ANKAR: variants seen among roughly 807,000 people sequenced by gnomAD.
The protein encoded by ANKAR is ankyrin and armadillo repeat containing, also known as ankyrin and armadillo repeat-containing protein.
Under a neutral mutation model 146.2 loss-of-function variants are expected in ANKAR, and 136 were observed. The ratio of observed to expected loss-of-function variants is 0.93; its 90% CI spans 0.81 to 1.07. The LOEUF (loss-of-function observed/expected upper bound fraction) is 1.07, where lower values mean the gene tolerates loss of function less well. ANKAR is among the 50% of genes least tolerant of loss of function. The pLI, the probability that ANKAR is intolerant of heterozygous loss-of-function variation, is 0.00. For missense variants in ANKAR, 1,567 were observed against 1,679.9 expected (o/e 0.93, Z 1.18); for synonymous variants, 500 against 575.8 (o/e 0.87, Z 1.88).
At chr2:189,725,018 G>C (rs1456555899) in intron 12 of ANKAR, among the ~76,000 whole-genome samples, 1 of 152,084 alleles carries the variant, frequency 6.6e-6, no homozygotes, top group Non-Finnish European at 1.5e-5. Context: ...CACAGATTTT[G>C]AGTTCTTTTT....
chr2:189,677,364 T>G (rs1476059916), intron 2 of ANKAR, among the ~76,000 whole-genome samples: 1 of 152,204 alleles, frequency 6.6e-6, no homozygotes, highest in Non-Finnish European at 1.5e-5. Flanking sequence ...TAGTGGTGAT[T>G]TCTGAGATTT....
chr2:189,677,089 C>A lies in ANKAR; in HGVS notation c.599C>A (p.Ala200Glu). The change falls in exon 2 of 23, where the codon GCA becomes GAA. Residue 200 changes from alanine to glutamate, a missense_variant and splice_region_variant. By Grantham distance (107) the Ala-to-Glu change is moderately radical. Transcript: ENST00000684021. ...GACATTTTTTCAGAGTTTAGTTCAG[C>A]AGGTAAGAGAATTTAACACTTCTTA... ...NKDIFSEFSSAGLTDITKDPD... is the reference protein window; with the variant it reads ...NKDIFSEFSSEGLTDITKDPD... 1.3e-6 allele frequency: 2 copies of A among 1,522,970 alleles called. No individual in the cohort carries two copies. Among genetic ancestry groups the A allele is most frequent in the South Asian group, 1.3e-5 (1 of 77,254 alleles). The allele number at this position is 1,522,970 out of a possible 1,614,324, so 94.3% of individuals were successfully genotyped here.
Position 189,689,688 on chromosome 2 carries a change from C to G in ANKAR, c.763C>G (p.Gln255Glu), listed in dbSNP as rs1441312186. 1 of 1,613,514 alleles carries G rather than the reference C, an allele frequency of 6.2e-7. No homozygotes were observed. Among genetic ancestry groups the G allele is most frequent in the South Asian group, 1.1e-5 (1 of 91,016 alleles). Residue 255 changes from glutamine to glutamate, a missense_variant, in exon 3 of 23, where the codon CAA becomes GAA. Gln to Glu is a conservative substitution (Grantham distance 29). Transcript: ENST00000684021. The part of the protein sequence containing the change: ...LKLTFSTTQI[Q>E]QYENVFIFET... ...GTTAACATTCAGTACCACACAAATT[C>G]AACAGTATGAAAATGTCTTTATATT...
chr2:189,695,258 G>A (rs2037032994), intron 6 of ANKAR, 97 bp downstream of exon 6: 9 of 1,021,714 alleles, frequency 8.8e-6, no homozygotes, highest in Non-Finnish European at 1.1e-5. Flanking sequence ...ATAATAATAG[G>A]TTAAAGTCTT....
intron 5 of ANKAR, among the ~76,000 whole-genome samples, chr2:189,694,085 C>G (rs971060467): frequency 6.6e-6 from 1 of 151,440 alleles, no homozygotes; most frequent in Non-Finnish European, 1.5e-5. Flanking sequence ...TAAAAGCTAG[C>G]CAGGCTAGGT....
intron 12 of ANKAR, among the ~76,000 whole-genome samples, chr2:189,727,377 A>T (rs60691554): frequency 0.98 from 149,212 of 152,038 alleles, 73,276 homozygotes; most frequent in South Asian, 1. Flanking sequence ...TCTACAAAAA[A>T]CACAAAAATT....
At chr2:189,705,291 AAG>A (rs2038774866) in intron 8 of ANKAR, 67 bp downstream of exon 8, 2 of 1,472,262 alleles carry the variant, frequency 1.4e-6, no homozygotes, top group Non-Finnish European at 1.9e-6. Flanking sequence ...AAAAAGAAGA[AAG>A]AAAATTAAAT....
rs1422561376 is a variant in ANKAR, at chr2:189,736,502, T to TTTTTTTG, written c.3424-1180_3424-1179insTTTTTGT. ...TTTTGCCTATTTAGGTGACTGGGTT[T>TTTTTTTG]TGTGTGTGTGTGTGTGTGTGTGTGT... On this transcript the variant is annotated intron_variant, in intron 17 of 22. Transcript: ENST00000684021. Among the ~76,000 whole-genome samples the TTTTTTTG allele has an allele frequency of 2.3e-3, 328 of 142,066 alleles. 26 individuals are homozygous for TTTTTTTG. The highest frequency in any genetic ancestry group is 7.8e-3 in the African/African-American group (306 of 39,132). The allele number at this position is 142,066 out of a possible 152,430, so 93.2% of individuals were successfully genotyped here.
rs1263979844 is a variant in ANKAR at position 189,733,312 on chromosome 2, T to C, written c.3423+83T>C. 7.5e-6 allele frequency: 9 copies of C among 1,193,064 alleles called. No individual in the cohort carries two copies. The Middle Eastern group carries it at 1.1e-3, about 152-fold the overall frequency. The allele number at this position is 1,193,064 out of a possible 1,614,324, so 73.9% of individuals were successfully genotyped here. A position where few individuals can be genotyped will look rare whatever the true frequency, so the allele number is the denominator to read the frequency against. ...TCTTCAAATTATCAAGTCTTCTTCA[T>C]GGCAATATTCAATGTATTGTTTAAG... is the stretch of plus-strand genomic sequence containing the variant. On this transcript the variant is annotated intron_variant, in intron 17 of 22. Coordinates refer to ENST00000684021, the MANE Select transcript of ANKAR (RefSeq NM_001378068.1).
At chr2:189,715,310 C>T (rs538763999) in intron 10 of ANKAR, among the ~76,000 whole-genome samples, 1 of 152,256 alleles carries the variant, frequency 6.6e-6, no homozygotes, top group Admixed American at 6.5e-5. Context: ...ACTATAAACA[C>T]CCCTACACAA....
At chr2:189,688,482 T>C (rs1463570561) in intron 2 of ANKAR, among the ~76,000 whole-genome samples, 2 of 152,230 alleles carry the variant, frequency 1.3e-5, no homozygotes, top group African/African-American at 4.8e-5. Context: ...TTATTTTTTC[T>C]ATTTCTATGA....
intron 7 of ANKAR, among the ~76,000 whole-genome samples, chr2:189,699,328 A>G (rs921042640): frequency 5.9e-5 from 9 of 152,182 alleles, no homozygotes; most frequent in Non-Finnish European, 1.2e-4. Context: ...CCAGCTTATC[A>G]GCTTCCTTCT....
Position 189,705,243 on chromosome 2 carries a change from A to T in ANKAR, c.1910+19A>T. 1 of 1,610,966 alleles carries T rather than the reference A, an allele frequency of 6.2e-7. No homozygotes were observed. Among genetic ancestry groups the T allele is most frequent in the East Asian group, 2.2e-5 (1 of 44,804 alleles). ...CAGCTGAGTAAGTCATTAAGCATTT[A>T]TATCAGGTTGAGGTTGATGTCTAGG... On this transcript the variant is annotated intron_variant, in intron 8 of 22. Coordinates refer to ENST00000684021, the MANE Select transcript of ANKAR (RefSeq NM_001378068.1).
At chr2:189,754,905 CATT>C (rs775762214) in intron 18 of ANKAR, 12 of 416,846 alleles carry the variant, frequency 2.9e-5, no homozygotes, top group Middle Eastern at 6.4e-4. Context: ...CTTTCACATA[CATT>C]ATTTGGCAAA....
intron 17 of ANKAR, among the ~76,000 whole-genome samples, chr2:189,734,744 G>A (rs938470466): frequency 1.1e-4 from 16 of 152,000 alleles, no homozygotes; most frequent in Non-Finnish European, 1.5e-4. Flanking sequence ...TGGGCAGATC[G>A]CTTGAGATCA....
intron 18 of ANKAR, chr2:189,754,048 T>C (rs1248051540): frequency 6.2e-7 from 1 of 1,613,142 alleles, no homozygotes; most frequent in East Asian, 2.2e-5. Flanking sequence ...AAGACAGGAT[T>C]TGCCCCTTCT....
chr2:189,758,104 C>T (rs1045738284), intron 18 of ANKAR, among the ~76,000 whole-genome samples: 4 of 151,902 alleles, frequency 2.6e-5, no homozygotes, highest in Non-Finnish European at 5.9e-5. Flanking sequence ...AAGTGTGGGC[C>T]GGGAGTGGTG....
At chr2:189,678,472 G>A (rs1043979717) in intron 2 of ANKAR, among the ~76,000 whole-genome samples, 9 of 151,632 alleles carry the variant, frequency 5.9e-5, no homozygotes, top group African/African-American at 2.2e-4. Flanking sequence ...TGTTTTTGTT[G>A]CATTTGCTTT....
chr2:189,744,888 T>G, intron 22 of ANKAR, 100 bp downstream of exon 22: 1 of 904,550 alleles, frequency 1.1e-6, no homozygotes, highest in Non-Finnish European at 1.7e-6. Context: ...CCGGGCACAG[T>G]GGCTCATGCC....
Sources: allele counts gnomAD v4.1 joint callset (sites outside exome capture counted in the v4.1 genomes callset), GRCh38; gene constraint gnomAD v4.1.1; transcripts MANE v1.5; gene names NCBI Gene and HGNC (gene_info 2026-07-23, HGNC 2026-07-21).